Variants in SLC25A13 observed in about 807,000 individuals in gnomAD.
The protein encoded by SLC25A13 is electrogenic aspartate/glutamate antiporter SLC25A13, mitochondrial.
In SLC25A13, 70 loss-of-function variants were observed where a neutral mutation model predicts 85.5. That is an observed-to-expected ratio of 0.82 (90% confidence interval 0.68 to 1.00). The LOEUF is 1.00. SLC25A13 is among the 50% of genes least tolerant of loss of function. SLC25A13 has a pLI of 0.00. For synonymous variants in SLC25A13, 259 were observed against 288.7 expected, an observed-to-expected ratio of 0.90 and a Z score of 1.04; for missense variants, 765 against 819.8, an observed-to-expected ratio of 0.93 and a Z score of 0.82.
At position 96,146,623 on chromosome 7, in the gene SLC25A13, ATTTCTC is replaced by A. The variant is rs1245110283; in HGVS notation, c.1379_1384del (p.Gly460_Ile462delinsVal). ...AGCACTGACTCGAGGACCAGTGGTG[ATTTCTC>A]CTGCCACTTGCAAACGGATCTTGAC... is the stretch of plus-strand genomic sequence containing the variant. On this transcript the variant is annotated inframe_deletion, in exon 14 of 18. Transcript: ENST00000265631. 3 of 1,614,010 alleles carry A rather than the reference ATTTCTC, an allele frequency of 1.9e-6. No individual in the cohort carries two copies. In the Admixed American group the frequency reaches 5.0e-5, roughly 27 times the overall value.
intron 11 of SLC25A13, among the ~76,000 whole-genome samples, chr7:96,173,809 C>CA (rs1183455038): frequency 6.6e-6 from 1 of 152,174 alleles, no homozygotes; most frequent in Non-Finnish European, 1.5e-5. Flanking sequence ...ACCTAAAAGA[C>CA]ACGCAAATCA....
At chr7:96,248,959 G>A (rs1797310575) in intron 3 of SLC25A13, among the ~76,000 whole-genome samples, 1 of 152,000 alleles carries the variant, frequency 6.6e-6, no homozygotes, top group African/African-American at 2.4e-5. Context: ...GTAGTGACTG[G>A]GAAAAGTAGC....
chr7:96,150,596 T>C (rs1792995700), intron 13 of SLC25A13, among the ~76,000 whole-genome samples: 1 of 151,808 alleles, frequency 6.6e-6, no homozygotes, highest in African/African-American at 2.4e-5. Context: ...TAAAAAGAGG[T>C]CTTTAGGGTG....
intron 3 of SLC25A13, among the ~76,000 whole-genome samples, chr7:96,266,708 G>A (rs1051867902): frequency 6.6e-6 from 1 of 152,104 alleles, no homozygotes; most frequent in South Asian, 2.1e-4. Flanking sequence ...TTTACTGCTT[G>A]TAGACAGTGT....
intron 1 of SLC25A13, among the ~76,000 whole-genome samples, chr7:96,313,960 C>A (rs1000450929): frequency 6.6e-6 from 1 of 152,106 alleles, no homozygotes; most frequent in Admixed American, 6.6e-5. Context: ...CAAAATTCCT[C>A]ATTGGTAAAC....
At chr7:96,138,350 T>G (rs1462963658) in intron 14 of SLC25A13, among the ~76,000 whole-genome samples, 1 of 152,190 alleles carries the variant, frequency 6.6e-6, no homozygotes, top group African/African-American at 2.4e-5. Context: ...TAGTCTGGAT[T>G]ATTTTCAATT....
chr7:96,292,135 C>T (rs1799150393), intron 2 of SLC25A13, among the ~76,000 whole-genome samples: 1 of 152,106 alleles, frequency 6.6e-6, no homozygotes, highest in Non-Finnish European at 1.5e-5. Flanking sequence ...ATACGCAAAT[C>T]AATAAAAGTA....
At chr7:96,198,121 G>A (rs1795130159) in intron 5 of SLC25A13, among the ~76,000 whole-genome samples, 1 of 152,182 alleles carries the variant, frequency 6.6e-6, no homozygotes, top group Admixed American at 6.5e-5. Context: ...ATGACAATAA[G>A]AAATCTGGAA....
rs993631308 is a variant in SLC25A13, at chr7:96,146,709, A to C, written c.1312-13T>G. 2.5e-6 allele frequency: 4 copies of C among 1,614,014 alleles called. No homozygotes were observed. Among genetic ancestry groups the C allele is most frequent in the Non-Finnish European group, 3.4e-6 (4 of 1,179,936 alleles). On this transcript the variant is annotated splice_polypyrimidine_tract_variant and intron_variant, in intron 13 of 17. Transcript: ENST00000265631. ...GGGAGCCTCCAGCCTAAAAAGAACAAAAAAGATTTAGGATCAAAGCAAAGA... is the reference window on the plus strand; with the variant it reads ...GGGAGCCTCCAGCCTAAAAAGAACACAAAAGATTTAGGATCAAAGCAAAGA...
chr7:96,286,724 T>C (rs1192292301), intron 2 of SLC25A13, among the ~76,000 whole-genome samples: 3 of 152,218 alleles, frequency 2.0e-5, no homozygotes, highest in African/African-American at 4.8e-5. Context: ...ACCCAGTCCA[T>C]GACACTGTAT....
chr7:96,280,629 C>T (rs545367007), intron 2 of SLC25A13, among the ~76,000 whole-genome samples: 5 of 152,172 alleles, frequency 3.3e-5, no homozygotes, highest in East Asian at 1.9e-4. Flanking sequence ...GCAGGAGAAT[C>T]GCTTGAGCAC....
chr7:96,261,783 C>T (rs1216815865), intron 3 of SLC25A13, among the ~76,000 whole-genome samples: 1 of 152,196 alleles, frequency 6.6e-6, no homozygotes, highest in Non-Finnish European at 1.5e-5. Flanking sequence ...TACTTCCTCA[C>T]TGTTGTGGGA....
At chr7:96,312,360 A>G (rs766161273) in intron 1 of SLC25A13, among the ~76,000 whole-genome samples, 16 of 152,320 alleles carry the variant, frequency 1.1e-4, no homozygotes, top group Admixed American at 3.9e-4. Context: ...AAGTGCTTGG[A>G]ACAGTGTCCG....
chr7:96,182,628 A>G (rs1794462399), intron 11 of SLC25A13, among the ~76,000 whole-genome samples: 1 of 152,234 alleles, frequency 6.6e-6, no homozygotes, highest in Non-Finnish European at 1.5e-5. Flanking sequence ...CATAGCCCAC[A>G]TTAGCTCAGC....
chr7:96,133,415 T>A (rs1792121675), intron 14 of SLC25A13, among the ~76,000 whole-genome samples: 1 of 152,166 alleles, frequency 6.6e-6, no homozygotes, highest in African/African-American at 2.4e-5. Flanking sequence ...GGGTAATCTA[T>A]CAATTGTGCA....
chr7:96,140,565 G>C (rs552582521), intron 14 of SLC25A13, among the ~76,000 whole-genome samples: 1 of 151,068 alleles, frequency 6.6e-6, no homozygotes, highest in African/African-American at 2.4e-5. Context: ...CACCATACCC[G>C]GCTAATTTTT....
At chr7:96,266,638 C>T (rs1798051768) in intron 3 of SLC25A13, among the ~76,000 whole-genome samples, 1 of 152,138 alleles carries the variant, frequency 6.6e-6, no homozygotes, top group South Asian at 2.1e-4. Context: ...ACCTGACATT[C>T]CTAGAGATTT....
intron 2 of SLC25A13, among the ~76,000 whole-genome samples, chr7:96,286,284 C>CAAA (rs34958208): frequency 9.1e-6 from 1 of 109,328 alleles, no homozygotes; most frequent in Admixed American, 9.8e-5. Flanking sequence ...GACTCCATCT[C>CAAA]AAAAAAAAAA....
At chr7:96,178,833 A>G (rs1050202742) in intron 11 of SLC25A13, among the ~76,000 whole-genome samples, 1 of 152,102 alleles carries the variant, frequency 6.6e-6, no homozygotes, top group African/African-American at 2.4e-5. Context: ...CCTAGGCATG[A>G]GGCATTTCCA....
Sources: allele counts gnomAD v4.1 joint callset (sites outside exome capture counted in the v4.1 genomes callset), GRCh38; gene constraint gnomAD v4.1.1; transcripts MANE v1.5; gene names NCBI Gene and HGNC (gene_info 2026-07-23, HGNC 2026-07-21).